SKIC8: variants seen among roughly 807,000 people sequenced by gnomAD.
The protein encoded by SKIC8 is superkiller complex protein 8.
chr15:78,292,745 G>A, the SKIC8 span: 1 of 1,614,136 alleles, frequency 6.2e-7, no homozygotes, highest in Non-Finnish European at 8.5e-7. Context: ...ACTCCCAGCT[G>A]ATGTCCCTCC....
At chr15:78,286,262 T>C in the SKIC8 span, 2 of 706,276 alleles carry the variant, frequency 2.8e-6, no homozygotes, top group Middle Eastern at 2.6e-4. Context: ...TGACCATGAA[T>C]ACTATATCAA....
the SKIC8 span, chr15:78,288,524 T>G: frequency 1.3e-6 from 1 of 766,680 alleles, no homozygotes; most frequent in Admixed American, 2.5e-5. Flanking sequence ...AGAGTTCTGA[T>G]TGGGCCTTTC....
chr15:78,287,796 T>A, the SKIC8 span, among the ~76,000 whole-genome samples: 2 of 152,190 alleles, frequency 1.3e-5, no homozygotes, highest in Non-Finnish European at 1.5e-5. Context: ...AACTTGCTTC[T>A]ATACTCGCAG....
chr15:78,296,089 C>T, the SKIC8 span: 1 of 162,764 alleles, frequency 6.1e-6, no homozygotes, highest in Non-Finnish European at 1.3e-5. Flanking sequence ...TGGGGGAATC[C>T]AAAGATGGCA....
chr15:78,287,492 G>C, the SKIC8 span, among the ~76,000 whole-genome samples: 1 of 152,220 alleles, frequency 6.6e-6, no homozygotes, highest in Non-Finnish European at 1.5e-5. Flanking sequence ...GGATGGTCAG[G>C]GTTGCAGTAC....
At chr15:78,292,747 T>A in the SKIC8 span, 1 of 1,614,186 alleles carries the variant, frequency 6.2e-7, no homozygotes, top group Non-Finnish European at 8.5e-7. Context: ...TCCCAGCTGA[T>A]GTCCCTCCAG....
the SKIC8 span, chr15:78,291,997 C>T: frequency 6.6e-6 from 1 of 152,428 alleles, no homozygotes; most frequent in African/African-American, 2.4e-5. Context: ...TTTCTGTCAT[C>T]TCAGATGATG....
At chr15:78,295,606 A>G in the SKIC8 span, 2 of 1,609,378 alleles carry the variant, frequency 1.2e-6, no homozygotes, top group South Asian at 2.2e-5. Context: ...CTACACATCC[A>G]GAAAACCTAC....
At chr15:78,288,620 T>A in the SKIC8 span, among the ~76,000 whole-genome samples, 1 of 152,218 alleles carries the variant, frequency 6.6e-6, no homozygotes, top group Non-Finnish European at 1.5e-5. Context: ...GCCCTCAGCA[T>A]ACATTGCTTT....
the SKIC8 span, among the ~76,000 whole-genome samples, chr15:78,288,549 A>C: frequency 6.6e-6 from 1 of 152,258 alleles, no homozygotes; most frequent in Admixed American, 6.5e-5. Flanking sequence ...TAATGTTCTC[A>C]AAACATCCAC....
At chr15:78,287,385 C>T in the SKIC8 span, among the ~76,000 whole-genome samples, 1 of 152,178 alleles carries the variant, frequency 6.6e-6, no homozygotes, top group Non-Finnish European at 1.5e-5. Context: ...CCAGAAAAAA[C>T]TGCATTTTAA....
chr15:78,291,250 C>T, the SKIC8 span: 1 of 152,206 alleles, frequency 6.6e-6, no homozygotes, highest in African/African-American at 2.4e-5. Flanking sequence ...GTGCCCAGGG[C>T]TACAACCAGC....
chr15:78,292,841 G>A, the SKIC8 span: 2 of 1,596,914 alleles, frequency 1.3e-6, no homozygotes, highest in Non-Finnish European at 8.6e-7. Flanking sequence ...CACTTTACCT[G>A]GCATCTGAAA....
At chr15:78,297,482 C>T in the SKIC8 span, among the ~76,000 whole-genome samples, 2 of 152,046 alleles carry the variant, frequency 1.3e-5, no homozygotes, top group South Asian at 2.1e-4. Flanking sequence ...TATCAAAATA[C>T]AAAAACATAT....
At chr15:78,284,538 G>C in the SKIC8 span, 3 of 152,242 alleles carry the variant, frequency 2.0e-5, no homozygotes, top group South Asian at 6.2e-4. Context: ...GTGTGGTTAG[G>C]ACCAGCAGCC....
At chr15:78,286,308 G>C in the SKIC8 span, 1 of 583,474 alleles carries the variant, frequency 1.7e-6, no homozygotes, top group South Asian at 2.5e-5. Context: ...TCATGCATTA[G>C]AGACAAATTT....
the SKIC8 span, chr15:78,284,065 T>C: frequency 6.6e-6 from 1 of 152,268 alleles, no homozygotes; most frequent in Admixed American, 6.5e-5. Flanking sequence ...TTGCTATGTG[T>C]TAAATTAACT....
the SKIC8 span, chr15:78,293,401 TAC>T: frequency 1.2e-6 from 1 of 857,186 alleles, no homozygotes; most frequent in South Asian, 2.0e-5. Flanking sequence ...TGCTTTCCTA[TAC>T]AGCTTTTATT....
At chr15:78,283,340 CTA>C in the SKIC8 span, 1 of 966,062 alleles carries the variant, frequency 1.0e-6, no homozygotes, top group Non-Finnish European at 1.5e-6. Flanking sequence ...ACAATAAATG[CTA>C]TATTTCTTTT....
Sources: allele counts gnomAD v4.1 joint callset (sites outside exome capture counted in the v4.1 genomes callset), GRCh38; gene constraint gnomAD v4.1.1; transcripts MANE v1.5; gene names NCBI Gene and HGNC (gene_info 2026-07-23, HGNC 2026-07-21).